DRC1: variants seen among roughly 807,000 people sequenced by gnomAD.
DRC1 encodes the protein dynein regulatory complex protein 1.
DRC1 carries 74 observed loss-of-function variants against 98.7 expected under a neutral mutation model. The observed-to-expected ratio is 0.75, with a 90% CI of 0.62 to 0.91. The LOEUF (loss-of-function observed/expected upper bound fraction) is 0.91, where lower values mean the gene tolerates loss of function less well. Among genes scored for constraint, DRC1 ranks in the 40% least tolerant of loss-of-function variants. The pLI is 0.00. For missense variants in DRC1, 875 were observed against 886.0 expected, an observed-to-expected ratio of 0.99 and a Z score of 0.16; for synonymous variants, 336 against 334.1, an observed-to-expected ratio of 1.01 and a Z score of -0.06.
intron 13 of DRC1, among the ~76,000 whole-genome samples, chr2:26,452,420 C>A (rs988426707): frequency 6.6e-6 from 1 of 152,122 alleles, no homozygotes; most frequent in East Asian, 1.9e-4. Flanking sequence ...CCACCACGCC[C>A]GGCTAATTTT....
At chr2:26,436,310 C>T (rs1663569778) in intron 7 of DRC1, among the ~76,000 whole-genome samples, 1 of 152,100 alleles carries the variant, frequency 6.6e-6, no homozygotes, top group African/African-American at 2.4e-5. Context: ...CCCACTCCCC[C>T]TGCCCTTTAT....
chr2:26,456,586 A>T lies in DRC1; in HGVS notation c.*69A>T. The T allele has an allele frequency of 6.3e-7, 1 of 1,589,970 alleles. No individual in the cohort carries two copies. The highest frequency in any genetic ancestry group is 8.6e-7 in the Non-Finnish European group (1 of 1,159,310). On this transcript the variant is annotated 3_prime_UTR_variant, in exon 17 of 17. Transcript: ENST00000288710. ...GGTGTCTGTGCCGGAGCCAGCTCAT[A>T]TCACCCACTGGGCCGCACCTGGGCC...
At chr2:26,402,303 C>T (rs541618657) in intron 1 of DRC1, among the ~76,000 whole-genome samples, 159 bp downstream of exon 1, 1 of 152,230 alleles carries the variant, frequency 6.6e-6, no homozygotes, top group Non-Finnish European at 1.5e-5. Flanking sequence ...CATCCCAGCA[C>T]TTAGGGAGGC....
rs201076910 is a variant in DRC1 at position 26,431,976 on chromosome 2, G to C, written c.858G>C (p.Met286Ile). 6.2e-7 allele frequency: 1 copy of C among 1,614,144 alleles called. No homozygotes were observed. Among genetic ancestry groups the C allele is most frequent in the East Asian group, 2.2e-5 (1 of 44,890 alleles). The change falls in exon 7 of 17, where the codon ATG becomes ATC. Residue 286 changes from methionine to isoleucine, a missense_variant. Met to Ile is a conservative substitution (Grantham distance 10). Transcript: ENST00000288710. ...TCTGGGATTGCGAAGAATACAACAT[G>C]ATCAAGATCAAGCTGGAGCAGGATG... ...QRIWDCEEYN[M>I]IKIKLEQDVQ... is the part of the protein sequence containing the mutation.
chr2:26,413,387 G>C (rs1285271256), intron 1 of DRC1, among the ~76,000 whole-genome samples: 1 of 152,214 alleles, frequency 6.6e-6, no homozygotes, highest in African/African-American at 2.4e-5. Flanking sequence ...TTGGGTCAGA[G>C]GGAAGGCACA....
intron 3 of DRC1, among the ~76,000 whole-genome samples, chr2:26,423,542 T>A (rs1663206026): frequency 6.6e-6 from 1 of 152,204 alleles, no homozygotes; most frequent in Admixed American, 6.5e-5. Context: ...CTCGGTGTGC[T>A]CTATCACGGA....
chr2:26,443,819 T>C (rs1464489), intron 8 of DRC1, among the ~76,000 whole-genome samples: 151,630 of 152,306 alleles, frequency 1, 75,480 homozygotes, highest in East Asian at 1. Context: ...TTTAAAATTT[T>C]CTTGCTTCAT....
chr2:26,428,918 A>G (rs950179783), intron 4 of DRC1, among the ~76,000 whole-genome samples: 2 of 152,194 alleles, frequency 1.3e-5, no homozygotes, highest in African/African-American at 4.8e-5. Context: ...ATGCTGTTCC[A>G]GAGTTTAGTC....
chr2:26,422,545 C>T (rs1663172982), intron 3 of DRC1, among the ~76,000 whole-genome samples: 1 of 152,178 alleles, frequency 6.6e-6, no homozygotes, highest in African/African-American at 2.4e-5. Context: ...TTGGTTTGCA[C>T]ACAGAAGTAG....
rs781097632 is a variant in DRC1, at chr2:26,453,476, TC to T, written c.1851del (p.Trp618GlyfsTer19). On this transcript the variant is annotated frameshift_variant, in exon 14 of 17. Transcript: ENST00000288710. LOFTEE classifies it high-confidence loss of function. ...GGAGGAAGAGGAGGAGACCCCACCC[TC>T]CCCCTGGGTCATCCACCCCAATGAT... ...EKEEEEETPP[S>X]PWVIHPNDVL... The T allele has an allele frequency of 6.2e-7, 1 of 1,613,734 alleles. No homozygotes were observed. Among genetic ancestry groups the T allele is most frequent in the African/African-American group, 1.3e-5 (1 of 74,854 alleles).
intron 7 of DRC1, among the ~76,000 whole-genome samples, chr2:26,439,123 G>A (rs1034129962): frequency 2.0e-5 from 3 of 151,906 alleles, no homozygotes; most frequent in Non-Finnish European, 2.9e-5. Flanking sequence ...TCCTTTCCTC[G>A]TGCCTCACAT....
intron 8 of DRC1, among the ~76,000 whole-genome samples, chr2:26,443,189 T>C (rs1422036265): frequency 6.6e-6 from 1 of 152,116 alleles, no homozygotes; most frequent in Non-Finnish European, 1.5e-5. Context: ...AGAGGGAAAA[T>C]CTTATTTTTA....
intron 4 of DRC1, among the ~76,000 whole-genome samples, chr2:26,425,204 A>G (rs1453698836): frequency 1.3e-5 from 2 of 152,294 alleles, no homozygotes; most frequent in South Asian, 2.1e-4. Context: ...TGTGACTAGC[A>G]TATTTGGCTT....
intron 4 of DRC1, among the ~76,000 whole-genome samples, chr2:26,425,407 G>A (rs1052416517): frequency 6.6e-6 from 1 of 152,152 alleles, no homozygotes; most frequent in African/African-American, 2.4e-5. Flanking sequence ...ATCTCTTTGA[G>A]ATACTTCTTT....
intron 9 of DRC1, among the ~76,000 whole-genome samples, 162 bp downstream of exon 9, chr2:26,444,518 T>C (rs1337687873): frequency 6.6e-6 from 1 of 152,230 alleles, no homozygotes; most frequent in Non-Finnish European, 1.5e-5. Flanking sequence ...GGCCCTTCAC[T>C]TGCGTGTCAC....
In DRC1 at chr2:26,404,113, T is replaced by A. The variant is rs116243698; in HGVS notation, c.155+1969T>A. ...AGACTCTGTCTCAAAAAAAAAAAAT[T>A]GTAAAAATCATTATTTGCCTGGAAG... On this transcript the variant is annotated intron_variant, in intron 1 of 16. Transcript: ENST00000288710. Among the ~76,000 whole-genome samples, 583 of 151,796 alleles carry A rather than the reference T, an allele frequency of 3.8e-3. 5 individuals carry two copies. Among genetic ancestry groups the A allele is most frequent in the African/African-American group, 0.014 (559 of 41,378 alleles).
In DRC1 at chr2:26,456,701, T is replaced by C; in HGVS notation, c.*184T>C. On this transcript the variant is annotated 3_prime_UTR_variant, in exon 17 of 17. Coordinates refer to ENST00000288710, the MANE Select transcript of DRC1 (RefSeq NM_145038.5). The stretch of plus-strand genomic sequence containing the variant: ...TGTGTCCTGCATTATGATTAAAGCC[T>C]TTTAAAGTTGTGGCTGAATCTCTTT... 1 of 647,512 alleles carries C rather than the reference T, an allele frequency of 1.5e-6. No homozygotes were observed. Among genetic ancestry groups the C allele is most frequent in the Non-Finnish European group, 2.6e-6 (1 of 382,692 alleles). The allele number at this position is 647,512 out of a possible 1,614,324, so 40.1% of individuals were successfully genotyped here. A position where few individuals can be genotyped will look rare whatever the true frequency, so the allele number is the denominator to read the frequency against.
intron 2 of DRC1, among the ~76,000 whole-genome samples, chr2:26,417,327 CTT>C (rs762670821): frequency 3.6e-5 from 5 of 140,796 alleles, no homozygotes; most frequent in African/African-American, 7.8e-5. Flanking sequence ...CTTGGCTATT[CTT>C]TTTTTTTTTT....
intron 3 of DRC1, among the ~76,000 whole-genome samples, chr2:26,422,998 T>C (rs1663185584): frequency 6.6e-6 from 1 of 152,066 alleles, no homozygotes; most frequent in South Asian, 2.1e-4. Flanking sequence ...TTTAACAATA[T>C]TTTTAGTTGT....
Sources: gnomAD v4.1 joint callset for allele counts (sites outside exome capture counted in the v4.1 genomes callset) on GRCh38, gnomAD v4.1.1 for gene constraint, MANE v1.5 for transcripts, NCBI Gene and HGNC (gene_info 2026-07-23, HGNC 2026-07-21) for gene names.